PTPRD: variants seen among roughly 807,000 people sequenced by gnomAD.
PTPRD encodes receptor-type tyrosine-protein phosphatase delta.
In PTPRD, 34 loss-of-function variants were observed where a neutral mutation model predicts 214.5. That is an observed-to-expected ratio of 0.16 (90% confidence interval 0.12 to 0.21). The LOEUF (loss-of-function observed/expected upper bound fraction) is 0.21, where lower values mean the gene tolerates loss of function less well. Ranked by LOEUF, PTPRD falls within the 10% of genes least tolerant of loss-of-function variation. The probability of loss-of-function intolerance (pLI) is 1.00; values close to 1 mark genes in which losing one functional copy is unlikely to be tolerated. For synonymous variants in PTPRD, 1,128 were observed against 845.7 expected, an observed-to-expected ratio of 1.33 and a Z score of -5.79; for missense variants, 2,545 against 2,398.7, an observed-to-expected ratio of 1.06 and a Z score of -1.27.
At chr9:8,660,186 G>C (rs2097009580) in intron 12 of PTPRD, among the ~76,000 whole-genome samples, 1 of 152,124 alleles carries the variant, frequency 6.6e-6, no homozygotes, top group Admixed American at 6.5e-5. Flanking sequence ...CTGAAATATA[G>C]CATGTACATG....
At chr9:8,563,464 G>C (rs897889986) in intron 14 of PTPRD, among the ~76,000 whole-genome samples, 19 of 141,854 alleles carry the variant, frequency 1.3e-4, no homozygotes, top group African/African-American at 4.8e-4. Context: ...TTGAGACAGA[G>C]TCTTGCACTG....
chr9:9,118,546 T>C (rs1419082586), intron 10 of PTPRD, among the ~76,000 whole-genome samples: 1 of 152,224 alleles, frequency 6.6e-6, no homozygotes, highest in Non-Finnish European at 1.5e-5. Context: ...TCTAGTAGCC[T>C]GCATAATGGA....
intron 2 of PTPRD, among the ~76,000 whole-genome samples, chr9:10,345,166 T>G (rs995709696): frequency 2.0e-5 from 3 of 152,162 alleles, no homozygotes; most frequent in African/African-American, 7.2e-5. Context: ...AATTCAAAAT[T>G]ATCAAAATTC....
At chr9:9,450,539 C>G (rs761191158) in intron 8 of PTPRD, among the ~76,000 whole-genome samples, 2 of 151,508 alleles carry the variant, frequency 1.3e-5, no homozygotes, top group Non-Finnish European at 2.9e-5. Context: ...GAATATATAC[C>G]AGAATTACTT....
chr9:8,629,940 G>A (rs1038328758), intron 14 of PTPRD, among the ~76,000 whole-genome samples: 2 of 151,742 alleles, frequency 1.3e-5, no homozygotes, highest in Non-Finnish European at 2.9e-5. Context: ...AACAAGCTAC[G>A]AAGGGAAACT....
intron 3 of PTPRD, among the ~76,000 whole-genome samples, chr9:10,340,598 C>A (rs2096920720): frequency 6.6e-6 from 1 of 151,872 alleles, no homozygotes; most frequent in Non-Finnish European, 1.5e-5. Flanking sequence ...TACCAACCAT[C>A]CTAGAGCCTT....
intron 4 of PTPRD, among the ~76,000 whole-genome samples, chr9:9,999,745 C>T (rs556648654): frequency 1.3e-5 from 2 of 152,288 alleles, no homozygotes; most frequent in African/African-American, 2.4e-5. Flanking sequence ...GGAAAGATTT[C>T]GTCAAGGTTG....
At chr9:9,419,686 T>C (rs969856535) in intron 8 of PTPRD, among the ~76,000 whole-genome samples, 3 of 151,764 alleles carry the variant, frequency 2.0e-5, no homozygotes, top group African/African-American at 7.2e-5. Flanking sequence ...TCAAGGACTT[T>C]TCATGGCTGG....
chr9:10,128,990 T>G (rs1326552886), intron 3 of PTPRD, among the ~76,000 whole-genome samples: 2 of 152,154 alleles, frequency 1.3e-5, no homozygotes, highest in Non-Finnish European at 2.9e-5. Flanking sequence ...AATGTATATA[T>G]TGGCTTTGGG....
At chr9:8,893,944 TA>T (rs34465186) in intron 11 of PTPRD, among the ~76,000 whole-genome samples, 4 of 150,974 alleles carry the variant, frequency 2.6e-5, no homozygotes, top group African/African-American at 7.3e-5. Context: ...TATGTGGAAG[TA>T]AAAAAAAATA....
chr9:10,610,630 A>G (rs2080741501), intron 2 of PTPRD, among the ~76,000 whole-genome samples: 1 of 152,160 alleles, frequency 6.6e-6, no homozygotes, highest in African/African-American at 2.4e-5. Context: ...ACTTAAATTC[A>G]TTTTTAAACC....
chr9:10,528,273 A>G (rs1256667749), intron 2 of PTPRD, among the ~76,000 whole-genome samples: 1 of 152,076 alleles, frequency 6.6e-6, no homozygotes, highest in East Asian at 1.9e-4. Context: ...TCTACCACAG[A>G]CCTGCTGTGC....
chr9:9,354,828 A>C (rs1374300455), intron 9 of PTPRD, among the ~76,000 whole-genome samples: 2 of 151,756 alleles, frequency 1.3e-5, no homozygotes, highest in Middle Eastern at 3.2e-3. Flanking sequence ...GAAGTGATGG[A>C]GTTGTGCATG....
intron 2 of PTPRD, among the ~76,000 whole-genome samples, chr9:10,539,582 A>G (rs2058641300): frequency 6.6e-6 from 1 of 152,196 alleles, no homozygotes; most frequent in Non-Finnish European, 1.5e-5. Flanking sequence ...TGCCCCACAC[A>G]GGGCCAAGCT....
intron 5 of PTPRD, among the ~76,000 whole-genome samples, chr9:9,854,577 A>C (rs1311157672): frequency 1.3e-5 from 2 of 152,142 alleles, no homozygotes; most frequent in African/African-American, 4.8e-5. Flanking sequence ...TATAAATTTA[A>C]CTACCACAGA....
rs1412506666 is a variant in PTPRD, at chr9:8,704,594, C to CTA, written c.64+29184_64+29185dup. On this transcript the variant is annotated intron_variant, in intron 12 of 45. Coordinates refer to ENST00000381196, the MANE Select transcript of PTPRD (RefSeq NM_002839.4). ...GATGTGTATGAAAGTTGTCTGTACA[C>CTA]TATCAAAGCACTGTACAAACAGAAT... Among the ~76,000 whole-genome samples, 8 of 152,206 alleles carry CTA rather than the reference C, an allele frequency of 5.3e-5. No homozygotes were observed. In the East Asian group the frequency reaches 1.5e-3, roughly 29 times the overall value.
At chr9:9,809,291 G>C (rs12005483) in intron 5 of PTPRD, among the ~76,000 whole-genome samples, 1 of 125,436 alleles carries the variant, frequency 8.0e-6, no homozygotes, top group Admixed American at 9.8e-5. Context: ...TTTTTCAGAC[G>C]CAGTCTCACT....
intron 9 of PTPRD, among the ~76,000 whole-genome samples, chr9:9,227,198 T>C (rs1253972295): frequency 6.6e-6 from 1 of 152,122 alleles, no homozygotes; most frequent in African/African-American, 2.4e-5. Context: ...TATGTTAAGT[T>C]TCCTTACATA....
intron 3 of PTPRD, among the ~76,000 whole-genome samples, chr9:10,292,082 C>G (rs371997612): frequency 6.6e-6 from 1 of 151,960 alleles, no homozygotes; most frequent in African/African-American, 2.4e-5. Flanking sequence ...AGTTCTAAGG[C>G]GTTAATCCTA....
Sources: allele counts gnomAD v4.1 joint callset (sites outside exome capture counted in the v4.1 genomes callset), GRCh38; gene constraint gnomAD v4.1.1; transcripts MANE v1.5; gene names NCBI Gene and HGNC (gene_info 2026-07-23, HGNC 2026-07-21).